The following HCN1 variants were observed in gnomAD, a reference collection of about 807,000 sequenced individuals.
The protein encoded by HCN1 is hyperpolarization activated cyclic nucleotide gated potassium channel 1.
Under a neutral mutation model 78.9 loss-of-function variants are expected in HCN1, and 13 were observed. That is an observed-to-expected ratio of 0.16 (90% CI 0.11 to 0.26). The LOEUF (loss-of-function observed/expected upper bound fraction) is 0.26. HCN1 is among the 10% of genes least tolerant of loss of function. The pLI, the probability that HCN1 is intolerant of heterozygous loss-of-function variation, is 1.00. For missense variants in HCN1, 810 were observed against 1,154.3 expected (o/e 0.70, Z 4.32); for synonymous variants, 552 against 455.5 (o/e 1.21, Z -2.70).
intron 5 of HCN1, among the ~76,000 whole-genome samples, chr5:45,322,151 G>A (rs879787773): frequency 7.2e-5 from 11 of 151,854 alleles, no homozygotes; most frequent in Non-Finnish European, 1.5e-4. Context: ...TGGAGTCTTG[G>A]TAGCTGGAGC....
intron 2 of HCN1, among the ~76,000 whole-genome samples, chr5:45,550,268 C>T (rs1016596447): frequency 6.6e-6 from 1 of 152,098 alleles, no homozygotes; most frequent in Admixed American, 6.6e-5. Context: ...CAATGATAGA[C>T]TGGATTAAGA....
chr5:45,344,742 T>C (rs1219871650), intron 5 of HCN1, among the ~76,000 whole-genome samples: 1 of 152,188 alleles, frequency 6.6e-6, no homozygotes, highest in Non-Finnish European at 1.5e-5. Context: ...GGCAGCTCTA[T>C]CCCTGTGGTT....
intron 2 of HCN1, among the ~76,000 whole-genome samples, chr5:45,473,285 A>G (rs546306410): frequency 1.3e-5 from 2 of 152,042 alleles, no homozygotes; most frequent in Admixed American, 6.6e-5. Context: ...TTTAACATCA[A>G]CTATGTTTCC....
intron 3 of HCN1, among the ~76,000 whole-genome samples, chr5:45,419,732 G>C (rs1740190114): frequency 6.6e-6 from 1 of 152,150 alleles, no homozygotes; most frequent in African/African-American, 2.4e-5. Flanking sequence ...TGAGCTGGCT[G>C]TGTTTCCTGT....
chr5:45,267,036 G>GGAGGAC, intron 7 of HCN1, 53 bp downstream of exon 7: 1 of 1,455,994 alleles, frequency 6.9e-7, no homozygotes, highest in South Asian at 1.1e-5. Context: ...TTGCAAACCT[G>GGAGGAC]TATTATGCCA....
chr5:45,678,871 A>G (rs565736870), intron 1 of HCN1, among the ~76,000 whole-genome samples: 34 of 152,086 alleles, frequency 2.2e-4, no homozygotes, highest in African/African-American at 8.2e-4. Context: ...AAAACAAATG[A>G]GCATCTGAAG....
intron 5 of HCN1, among the ~76,000 whole-genome samples, chr5:45,325,524 C>T (rs1317908713): frequency 6.6e-6 from 1 of 151,536 alleles, no homozygotes; most frequent in Non-Finnish European, 1.5e-5. Context: ...ATTTGGAGGG[C>T]AAATTATAAA....
intron 1 of HCN1, among the ~76,000 whole-genome samples, chr5:45,646,380 T>G (rs1056527496): frequency 8.1e-5 from 12 of 148,376 alleles, no homozygotes; most frequent in Non-Finnish European, 1.5e-4. Flanking sequence ...TTTTTTTTTT[T>G]TTTTTTTGAG....
chr5:45,679,199 A>G (rs559851216), intron 1 of HCN1, among the ~76,000 whole-genome samples: 1 of 152,130 alleles, frequency 6.6e-6, no homozygotes, highest in Admixed American at 6.6e-5. Context: ...TTTATAAGCT[A>G]TCATTATAAC....
At chr5:45,293,740 T>TTTA (rs1745427083) in intron 6 of HCN1, among the ~76,000 whole-genome samples, 1 of 151,992 alleles carries the variant, frequency 6.6e-6, no homozygotes, top group South Asian at 2.1e-4. Flanking sequence ...TATAAATGAC[T>TTTA]TTATAAAGAC....
chr5:45,648,567 T>A (rs1378539604), intron 1 of HCN1, among the ~76,000 whole-genome samples: 1 of 152,136 alleles, frequency 6.6e-6, no homozygotes, highest in Non-Finnish European at 1.5e-5. Flanking sequence ...AATCATCACC[T>A]GTTCTAGAAG....
chr5:45,568,532 T>C (rs1008519510), intron 2 of HCN1, among the ~76,000 whole-genome samples: 1 of 152,156 alleles, frequency 6.6e-6, no homozygotes, highest in Non-Finnish European at 1.5e-5. Flanking sequence ...GAAAATTAAA[T>C]TATTTAATAT....
intron 2 of HCN1, among the ~76,000 whole-genome samples, chr5:45,579,621 G>T (rs959415228): frequency 1.3e-5 from 2 of 151,984 alleles, no homozygotes; most frequent in Admixed American, 1.3e-4. Context: ...ATTTATAATT[G>T]GGTTTTTAAT....
chr5:45,524,998 C>G (rs1451411532), intron 2 of HCN1, among the ~76,000 whole-genome samples: 6 of 152,074 alleles, frequency 3.9e-5, no homozygotes, highest in Non-Finnish European at 7.4e-5. Context: ...GTGGGTTTGT[C>G]ATAAATAGCT....
At chr5:45,336,742 A>G (rs1206481805) in intron 5 of HCN1, among the ~76,000 whole-genome samples, 1 of 152,034 alleles carries the variant, frequency 6.6e-6, no homozygotes, top group Admixed American at 6.6e-5. Flanking sequence ...GAAATCTAAG[A>G]TCAAGGTGCT....
chr5:45,482,606 T>C (rs1390668003), intron 2 of HCN1, among the ~76,000 whole-genome samples: 1 of 151,974 alleles, frequency 6.6e-6, no homozygotes, highest in Non-Finnish European at 1.5e-5. Flanking sequence ...AGCTGTATTG[T>C]TTTTTTAAAT....
At chr5:45,337,873 C>T (rs1314261130) in intron 5 of HCN1, among the ~76,000 whole-genome samples, 1 of 151,978 alleles carries the variant, frequency 6.6e-6, no homozygotes, top group Non-Finnish European at 1.5e-5. Flanking sequence ...AAAGGTGTTT[C>T]AACAATTTGT....
At chr5:45,651,426 A>G (rs149535025) in intron 1 of HCN1, among the ~76,000 whole-genome samples, 1 of 152,088 alleles carries the variant, frequency 6.6e-6, no homozygotes, top group Non-Finnish European at 1.5e-5. Flanking sequence ...GCCTCTTGAT[A>G]TCAATTATTT....
intron 4 of HCN1, among the ~76,000 whole-genome samples, chr5:45,364,423 C>T (rs1747191623): frequency 6.6e-6 from 1 of 151,396 alleles, no homozygotes; most frequent in Non-Finnish European, 1.5e-5. Context: ...CTTCCTTTTT[C>T]CTGCATGTCT....
Sources: gnomAD v4.1 joint callset for allele counts (sites outside exome capture counted in the v4.1 genomes callset) on GRCh38, gnomAD v4.1.1 for gene constraint, MANE v1.5 for transcripts, NCBI Gene and HGNC (gene_info 2026-07-23, HGNC 2026-07-21) for gene names.